GRHL2: variants seen among roughly 807,000 people sequenced by gnomAD.
GRHL2 encodes the protein grainyhead-like protein 2 homolog.
GRHL2 carries 21 observed loss-of-function variants against 83.8 expected under a neutral mutation model. The observed-to-expected ratio is 0.25, with a 90% confidence interval of 0.18 to 0.36. GRHL2 has a LOEUF of 0.36. Among genes scored for constraint, GRHL2 ranks in the 10% least tolerant of loss-of-function variants. GRHL2 has a pLI of 1.00. For missense variants in GRHL2, 623 were observed against 781.8 expected, an observed-to-expected ratio of 0.80 and a Z score of 2.42; for synonymous variants, 280 against 278.9, an observed-to-expected ratio of 1.00 and a Z score of -0.04.
At chr8:101,673,668 G>C (rs1485905115), downstream of GRHL2, among the ~76,000 whole-genome samples, 1 of 151,844 alleles carries the variant, frequency 6.6e-6, no homozygotes, top group Non-Finnish European at 1.5e-5. Context: ...AGTTAACAAG[G>C]ATACCCAGGA....
chr8:101,599,204 C>A (rs763900126), intron 8 of GRHL2, 53 bp downstream of exon 8: 9 of 1,165,312 alleles, frequency 7.7e-6, no homozygotes, highest in Non-Finnish European at 1.2e-5. Flanking sequence ...CCATCCTCAG[C>A]AGTTTATTCT....
At chr8:101,634,573 G>A (rs1277631670) in intron 11 of GRHL2, among the ~76,000 whole-genome samples, 5 of 152,144 alleles carry the variant, frequency 3.3e-5, no homozygotes, top group African/African-American at 9.7e-5. Flanking sequence ...CAAGAGAGAC[G>A]CAAGGATTGG....
intron 12 of GRHL2, among the ~76,000 whole-genome samples, chr8:101,640,693 A>T (rs1813383602): frequency 6.6e-6 from 1 of 152,156 alleles, no homozygotes; most frequent in African/African-American, 2.4e-5. Flanking sequence ...TCCAGCTTGC[A>T]GCAAGGTCCC....
At chr8:101,579,577 T>C (rs1812005325) in intron 7 of GRHL2, among the ~76,000 whole-genome samples, 1 of 152,170 alleles carries the variant, frequency 6.6e-6, no homozygotes, top group Admixed American at 6.5e-5. Flanking sequence ...CAATGAGACA[T>C]GAATTTTCTG....
At chr8:101,555,466 T>G (rs191102442) in intron 3 of GRHL2, among the ~76,000 whole-genome samples, 3 of 152,258 alleles carry the variant, frequency 2.0e-5, no homozygotes, top group Admixed American at 2.0e-4. Flanking sequence ...TATTACTGAT[T>G]TCATGATGGA....
chr8:101,587,485 A>G (rs1188856053), intron 7 of GRHL2, among the ~76,000 whole-genome samples: 1 of 152,188 alleles, frequency 6.6e-6, no homozygotes, highest in African/African-American at 2.4e-5. Context: ...ACAATGCTAT[A>G]TTTCCTATCT....
At chr8:101,621,469 G>A (rs1032767702) in intron 9 of GRHL2, among the ~76,000 whole-genome samples, 1 of 152,060 alleles carries the variant, frequency 6.6e-6, no homozygotes, top group African/African-American at 2.4e-5. Flanking sequence ...TAAAAACTAT[G>A]CTAGAAGCAA....
chr8:101,582,301 G>A (rs991944084), intron 7 of GRHL2, among the ~76,000 whole-genome samples: 1 of 152,008 alleles, frequency 6.6e-6, no homozygotes, highest in South Asian at 2.1e-4. Context: ...ATTAGCCAAG[G>A]TGGAAGGGGT....
chr8:101,552,452 C>T (rs1426991701), intron 2 of GRHL2, among the ~76,000 whole-genome samples: 1 of 152,238 alleles, frequency 6.6e-6, no homozygotes, highest in African/African-American at 2.4e-5. Flanking sequence ...GTGCTCGGGT[C>T]CAGGGAGAGT....
chr8:101,628,808 G>A (rs1813129754), intron 9 of GRHL2, among the ~76,000 whole-genome samples: 8 of 152,130 alleles, frequency 5.3e-5, no homozygotes, highest in Admixed American at 5.2e-4. Flanking sequence ...AGTAGAGGAA[G>A]TAACTGCAGA....
the GRHL2 span, among the ~76,000 whole-genome samples, chr8:101,677,561 C>G: frequency 7.2e-5 from 11 of 152,018 alleles, no homozygotes; most frequent in South Asian, 2.1e-4. Flanking sequence ...AGTGTCTTTA[C>G]CTGTCTGTCT....
intron 6 of GRHL2, among the ~76,000 whole-genome samples, chr8:101,575,988 A>G (rs1376647750): frequency 1.3e-5 from 2 of 152,212 alleles, no homozygotes; most frequent in Admixed American, 1.3e-4. Context: ...TTGTGTAAAA[A>G]TTGTTTACAC....
At position 101,575,084 on chromosome 8, in the gene GRHL2, T is replaced by C. The variant is rs962767819; in HGVS notation, c.891+1260T>C. 2.0e-4 allele frequency among the ~76,000 whole-genome samples: 31 copies of C among 152,228 alleles called. 1 individual carries two copies. The highest frequency in any genetic ancestry group is 1.0e-4 in the Non-Finnish European group (7 of 68,050). The stretch of plus-strand genomic sequence containing the variant: ...TGAGGTTGTGCTGTGTTGAGCAGCA[T>C]GGAGGGCTGAAGGCAGGGAAATGTT... On this transcript the variant is annotated intron_variant, in intron 6 of 15. Coordinates refer to ENST00000646743, the MANE Select transcript of GRHL2 (RefSeq NM_024915.4).
intron 1 of GRHL2, among the ~76,000 whole-genome samples, chr8:101,531,856 A>AGATCAGTATATTTTGC (rs1810936453): frequency 6.6e-6 from 1 of 152,170 alleles, no homozygotes; most frequent in South Asian, 2.1e-4. Flanking sequence ...TTCAAGTAGT[A>AGATCAGTATATTTTGC]GATCAGTATA....
intron 5 of GRHL2, among the ~76,000 whole-genome samples, chr8:101,572,439 G>C (rs1291519487): frequency 1.3e-5 from 2 of 152,052 alleles, no homozygotes; most frequent in Non-Finnish European, 2.9e-5. Flanking sequence ...TATTATAAAA[G>C]TTAAAAAATA....
chr8:101,544,429 A>G (rs1811218474), intron 2 of GRHL2, among the ~76,000 whole-genome samples: 1 of 152,228 alleles, frequency 6.6e-6, no homozygotes, highest in African/African-American at 2.4e-5. Context: ...TAATTGCCAT[A>G]TACTACCTAT....
At chr8:101,508,261 T>C (rs890658653) in intron 1 of GRHL2, among the ~76,000 whole-genome samples, 6 of 152,196 alleles carry the variant, frequency 3.9e-5, no homozygotes, top group African/African-American at 1.4e-4. Context: ...ACCAATGGTG[T>C]ATCTGAGAGT....
At chr8:101,679,550 G>A in the GRHL2 span, among the ~76,000 whole-genome samples, 18 of 149,682 alleles carry the variant, frequency 1.2e-4, 1 homozygote, top group Admixed American at 3.3e-4. Context: ...GCAGGCCAAC[G>A]TTCAGATTCA....
intron 7 of GRHL2, among the ~76,000 whole-genome samples, chr8:101,582,122 C>T (rs1812065817): frequency 6.6e-6 from 1 of 151,742 alleles, no homozygotes; most frequent in Admixed American, 6.6e-5. Context: ...CCTACAATTC[C>T]AGCTACCTGG....
Sources: gnomAD v4.1 joint callset for allele counts (sites outside exome capture counted in the v4.1 genomes callset) on GRCh38, gnomAD v4.1.1 for gene constraint, MANE v1.5 for transcripts, NCBI Gene and HGNC (gene_info 2026-07-23, HGNC 2026-07-21) for gene names.